The following CC2D2A variants were observed in gnomAD, a reference collection of about 807,000 sequenced individuals.
CC2D2A encodes the protein coiled-coil and C2 domain containing 2A.
A neutral mutation model predicts 212.9 loss-of-function variants in CC2D2A; 155 were observed. The ratio of observed to expected loss-of-function variants is 0.73; its 90% CI spans 0.64 to 0.83. The LOEUF (loss-of-function observed/expected upper bound fraction) is 0.83, where lower values mean the gene tolerates loss of function less well. Among genes scored for constraint, CC2D2A ranks in the 40% least tolerant of loss-of-function variants. The pLI is 0.00. For synonymous variants in CC2D2A, 667 were observed against 686.5 expected (o/e 0.97, Z 0.44); for missense variants, 1,856 against 1,956.2 (o/e 0.95, Z 0.97).
chr4:15,575,431 G>T (rs940127970), intron 29 of CC2D2A, among the ~76,000 whole-genome samples: 1 of 152,154 alleles, frequency 6.6e-6, no homozygotes, highest in East Asian at 1.9e-4. Flanking sequence ...AGTACAGTAG[G>T]CTAGAAAAGC....
intron 11 of CC2D2A, among the ~76,000 whole-genome samples, chr4:15,526,746 C>G (rs1478107742): frequency 1.3e-5 from 2 of 152,142 alleles, no homozygotes; most frequent in Non-Finnish European, 2.9e-5. Context: ...AGCTCCCACC[C>G]ACAGTAGCTG....
At chr4:15,525,524 A>G (rs759181196) in intron 11 of CC2D2A, among the ~76,000 whole-genome samples, 6 of 150,052 alleles carry the variant, frequency 4.0e-5, no homozygotes, top group Non-Finnish European at 7.4e-5. Flanking sequence ...AATGAAAGAG[A>G]AAAAAAAAAT....
At chr4:15,487,551 T>C (rs538642599) in intron 4 of CC2D2A, among the ~76,000 whole-genome samples, 2 of 152,258 alleles carry the variant, frequency 1.3e-5, no homozygotes, top group East Asian at 3.9e-4. Flanking sequence ...GAAATGAGTT[T>C]CTTATAGGTA....
chr4:15,551,004 T>C, intron 18 of CC2D2A, 24 bp downstream of exon 18: 1 of 1,535,888 alleles, frequency 6.5e-7, no homozygotes, highest in South Asian at 1.2e-5. Flanking sequence ...ATATCTTCAA[T>C]GGTTCACTGT....
intron 24 of CC2D2A, 184 bp downstream of exon 24, chr4:15,563,706 A>G (rs1259285417): frequency 3.3e-6 from 2 of 607,900 alleles, no homozygotes; most frequent in Non-Finnish European, 5.8e-6. Flanking sequence ...AATTCAGGCT[A>G]AAGAGGGGAT....
chr4:15,485,217 G>A (rs1244397472), intron 4 of CC2D2A, among the ~76,000 whole-genome samples: 2 of 152,210 alleles, frequency 1.3e-5, no homozygotes, highest in Non-Finnish European at 1.5e-5. Flanking sequence ...ACATATGAGT[G>A]AAAACATGTA....
At chr4:15,502,006 G>A (rs537907255) in intron 4 of CC2D2A, among the ~76,000 whole-genome samples, 8 of 152,208 alleles carry the variant, frequency 5.3e-5, no homozygotes, top group East Asian at 1.9e-4. Flanking sequence ...AGTTAAACCC[G>A]GAAACCCCAA....
At chr4:15,482,003 A>G in intron 4 of CC2D2A, 1 of 985,436 alleles carries the variant, frequency 1.0e-6, no homozygotes, top group Non-Finnish European at 1.2e-6. Context: ...TTACCTGCTC[A>G]TTGTAGGGAA....
chr4:15,578,018 T>C (rs1720487548), intron 29 of CC2D2A, among the ~76,000 whole-genome samples: 1 of 152,220 alleles, frequency 6.6e-6, no homozygotes, highest in Non-Finnish European at 1.5e-5. Flanking sequence ...TTTTTGCACA[T>C]CATTCTTGTT....
chr4:15,492,163 T>A (rs1337195370), intron 4 of CC2D2A, among the ~76,000 whole-genome samples: 1 of 152,244 alleles, frequency 6.6e-6, no homozygotes, highest in African/African-American at 2.4e-5. Context: ...CATTTTTTTC[T>A]ATTGCTTGGG....
At chr4:15,487,956 C>CT (rs1187462623) in intron 4 of CC2D2A, among the ~76,000 whole-genome samples, 1 of 115,114 alleles carries the variant, frequency 8.7e-6, no homozygotes, top group Non-Finnish European at 1.8e-5. Context: ...TTAACCCCGT[C>CT]TCCCCCCTGC....
chr4:15,510,095 C>A, intron 6 of CC2D2A, 44 bp from the exon 7 acceptor site: 1 of 1,460,984 alleles, frequency 6.8e-7, no homozygotes, highest in Non-Finnish European at 9.5e-7. Context: ...GCCTAAGTTT[C>A]TTGGGTTAAA....
chr4:15,538,672 A>T (rs533144989), intron 16 of CC2D2A, among the ~76,000 whole-genome samples: 1 of 152,358 alleles, frequency 6.6e-6, no homozygotes, highest in South Asian at 2.1e-4. Flanking sequence ...TATGATAAAA[A>T]TACATGTCTA....
At chr4:15,537,206 C>T (rs1303722931) in intron 15 of CC2D2A, 130 bp downstream of exon 15, 17 of 713,402 alleles carry the variant, frequency 2.4e-5, no homozygotes, top group South Asian at 8.0e-5. Flanking sequence ...GTCTCTTCCC[C>T]GTCCCCTGGC....
chr4:15,492,913 A>T, intron 4 of CC2D2A: 1 of 546,866 alleles, frequency 1.8e-6, no homozygotes, highest in Non-Finnish European at 3.5e-6. Context: ...TGTAGCCCAG[A>T]ATGCCCTTGA....
intron 16 of CC2D2A, 109 bp downstream of exon 16, chr4:15,538,246 C>T: frequency 3.4e-6 from 4 of 1,168,060 alleles, no homozygotes; most frequent in Non-Finnish European, 4.7e-6. Context: ...TACTGACCTA[C>T]ACGAGCATCA....
chr4:15,531,801 A>G (rs990350002), intron 13 of CC2D2A, among the ~76,000 whole-genome samples: 2 of 152,232 alleles, frequency 1.3e-5, no homozygotes, highest in Non-Finnish European at 2.9e-5. Flanking sequence ...AGTAGAAAAT[A>G]TATCAGAAAG....
intron 11 of CC2D2A, among the ~76,000 whole-genome samples, 188 bp downstream of exon 11, chr4:15,516,944 C>CTT (rs397992357): frequency 7.7e-3 from 738 of 95,716 alleles, no homozygotes; most frequent in African/African-American, 0.01. Context: ...TGCATCCCTT[C>CTT]TTTTTTTTTT....
intron 30 of CC2D2A, among the ~76,000 whole-genome samples, chr4:15,584,602 G>A (rs4267734): frequency 0.82 from 125,281 of 152,098 alleles, 51,963 homozygotes; most frequent in East Asian, 0.97. Flanking sequence ...ATTTTTTTTA[G>A]TAAGACCTCA....
Sources: gnomAD v4.1 joint callset for allele counts (sites outside exome capture counted in the v4.1 genomes callset) on GRCh38, gnomAD v4.1.1 for gene constraint, MANE v1.5 for transcripts, NCBI Gene and HGNC (gene_info 2026-07-23, HGNC 2026-07-21) for gene names.